CEP41: variants seen among roughly 807,000 people sequenced by gnomAD.
The protein encoded by CEP41 is centrosomal protein 41.
CEP41 carries 32 observed loss-of-function variants against 44.3 expected under a neutral mutation model. The observed-to-expected ratio is 0.72, with a 90% CI of 0.54 to 0.97. The LOEUF is 0.97. CEP41 is among the 50% of genes least tolerant of loss of function. The probability of loss-of-function intolerance (pLI) is 0.00; values close to 1 mark genes in which losing one functional copy is unlikely to be tolerated. For missense variants in CEP41, 432 were observed against 455.2 expected (o/e 0.95, Z 0.46); for synonymous variants, 151 against 168.5 (o/e 0.90, Z 0.80).
chr7:130,436,135 T>C (rs896460253), intron 1 of CEP41, among the ~76,000 whole-genome samples: 3 of 152,180 alleles, frequency 2.0e-5, no homozygotes, highest in East Asian at 1.9e-4. Flanking sequence ...GCCTGGGTGA[T>C]AGAGTGAGAC....
chr7:130,427,916 T>C (rs369870372), intron 2 of CEP41, 39 bp downstream of exon 2: 5 of 1,372,344 alleles, frequency 3.6e-6, no homozygotes, highest in Admixed American at 1.7e-5. Flanking sequence ...AATTAGCTAT[T>C]AGATTTTTTT....
At chr7:130,426,778 G>C (rs1488387318) in intron 2 of CEP41, 3 of 392,348 alleles carry the variant, frequency 7.6e-6, no homozygotes, top group South Asian at 3.6e-5. Context: ...CAGTACACCA[G>C]ACTTGGCACC....
intron 2 of CEP41, among the ~76,000 whole-genome samples, chr7:130,423,103 T>A (rs1211326891): frequency 6.6e-6 from 1 of 152,090 alleles, no homozygotes; most frequent in Non-Finnish European, 1.5e-5. Flanking sequence ...CACGCTGCCA[T>A]GCCTGGCTAA....
chr7:130,435,370 T>C (rs1797931717), intron 1 of CEP41, among the ~76,000 whole-genome samples: 1 of 151,798 alleles, frequency 6.6e-6, no homozygotes, highest in South Asian at 2.1e-4. Context: ...TTTACAGTCA[T>C]CACCAACAAC....
Position 130,397,245 on chromosome 7 carries a change from C to T in CEP41, c.*1646G>A, listed in dbSNP as rs187513408. On this transcript the variant is annotated 3_prime_UTR_variant, in exon 11 of 11. Coordinates refer to ENST00000223208, the MANE Select transcript of CEP41 (RefSeq NM_018718.3). Reference sequence around the variant, plus strand: ...AGGCTCCTCATTAAAGCTATGTGTACGTTGGCTGAATTTTATACAAGATTC... The same window carrying T: ...AGGCTCCTCATTAAAGCTATGTGTATGTTGGCTGAATTTTATACAAGATTC... The T allele has an allele frequency of 6.1e-4, 277 of 454,424 alleles. No homozygotes were observed. The highest frequency in any genetic ancestry group is 1.1e-3 in the Non-Finnish European group (247 of 226,778). The allele number at this position is 454,424 out of a possible 1,614,324, so 28.1% of individuals were successfully genotyped here.
chr7:130,431,880 C>T (rs1297196747), intron 1 of CEP41, among the ~76,000 whole-genome samples: 1 of 152,144 alleles, frequency 6.6e-6, no homozygotes, highest in Non-Finnish European at 1.5e-5. Flanking sequence ...CAGTGGATCT[C>T]GAACAGGTAC....
chr7:130,408,348 C>A (rs986327260), intron 5 of CEP41, among the ~76,000 whole-genome samples: 4 of 151,950 alleles, frequency 2.6e-5, no homozygotes, highest in African/African-American at 9.7e-5. Flanking sequence ...TATTGTTCTC[C>A]GTTGTACAAA....
At chr7:130,416,248 T>C in intron 3 of CEP41, among the ~76,000 whole-genome samples, 1 of 152,220 alleles carries the variant, frequency 6.6e-6, no homozygotes, top group Non-Finnish European at 1.5e-5. Flanking sequence ...AGCAAATCCA[T>C]CTTAGAAAAT....
rs940339910 is a variant in CEP41, at chr7:130,426,699, G to C, written c.97+1256C>G. The C allele has an allele frequency of 9.0e-5, 41 of 454,922 alleles. No homozygotes were observed. In the Admixed American group the frequency reaches 9.2e-4, roughly 10 times the overall value. 28.2% of individuals were successfully genotyped at this position (454,922 alleles called of 1,614,324 possible). ...AGGGGTTAGATGGGTAGAGATGAAAGAGCTGAGGGTTTTTGTGGCAGAAGA... is the reference window on the plus strand; with the variant it reads ...AGGGGTTAGATGGGTAGAGATGAAACAGCTGAGGGTTTTTGTGGCAGAAGA... On this transcript the variant is annotated intron_variant, in intron 2 of 10. Coordinates refer to ENST00000223208, the MANE Select transcript of CEP41 (RefSeq NM_018718.3).
At chr7:130,433,641 C>A (rs1280581956) in intron 1 of CEP41, among the ~76,000 whole-genome samples, 1 of 152,210 alleles carries the variant, frequency 6.6e-6, no homozygotes, top group Non-Finnish European at 1.5e-5. Flanking sequence ...CTACCCACCA[C>A]AGCCCAGCTA....
intron 10 of CEP41, chr7:130,399,482 T>G (rs1306655229): frequency 4.3e-6 from 1 of 234,858 alleles, no homozygotes; most frequent in East Asian, 1.0e-4. Context: ...GGTCTGATGC[T>G]TAACTCCTCA....
At chr7:130,422,935 A>T (rs1797551157) in intron 2 of CEP41, among the ~76,000 whole-genome samples, 2 of 152,174 alleles carry the variant, frequency 1.3e-5, no homozygotes, top group African/African-American at 2.4e-5. Flanking sequence ...AGAATATATA[A>T]AACAACTCTT....
intron 1 of CEP41, among the ~76,000 whole-genome samples, chr7:130,435,423 T>C (rs1695537266): frequency 6.6e-6 from 1 of 151,664 alleles, no homozygotes; most frequent in Admixed American, 6.6e-5. Flanking sequence ...AAATAGAAAA[T>C]AGGCAAAAGA....
In CEP41 at chr7:130,430,736, ATTT is replaced by A. The variant is rs782527935; in HGVS notation, c.34-2721_34-2719del. Among the ~76,000 whole-genome samples the A allele has an allele frequency of 8.6e-4, 130 of 151,808 alleles. 1 individual carries two copies. The highest frequency in any genetic ancestry group is 1.7e-3 in the Non-Finnish European group (113 of 67,964). ...CATTGCAGTTATCTTGGGCTAAGGG[ATTT>A]TTTTTCTGCACTCTGTATTTTTTTT... On this transcript the variant is annotated intron_variant, in intron 1 of 10. Transcript: ENST00000223208.
Position 130,394,382 on chromosome 7 carries a change from G to A in CEP41, c.*4509C>T. ...TAAATGGGTCAAAACATATAATGAAGAATCTAGGAGCAAAGTAAGCTCTCC... is the reference window on the plus strand; with the variant it reads ...TAAATGGGTCAAAACATATAATGAAAAATCTAGGAGCAAAGTAAGCTCTCC... On this transcript the variant is annotated 3_prime_UTR_variant, in exon 11 of 11. Coordinates refer to ENST00000223208, the MANE Select transcript of CEP41 (RefSeq NM_018718.3). 2.2e-6 allele frequency: 1 copy of A among 454,036 alleles called. No homozygotes were observed. Among genetic ancestry groups the A allele is most frequent in the Non-Finnish European group, 4.4e-6 (1 of 226,780 alleles). 28.1% of individuals were successfully genotyped at this position (454,036 alleles called of 1,614,324 possible). A position where few individuals can be genotyped will look rare whatever the true frequency, so the allele number is the denominator to read the frequency against.
Position 130,395,171 on chromosome 7 carries a change from A to G in CEP41, c.*3720T>C, listed in dbSNP as rs922755413. On this transcript the variant is annotated 3_prime_UTR_variant, in exon 11 of 11. Transcript: ENST00000223208. ...AAGATGTCATAATAATAATTTCAAT[A>G]ATTATTGTAAATCTAGGAAAGTATT... The G allele has an allele frequency of 2.2e-6, 1 of 453,172 alleles. No homozygotes were observed. The highest frequency in any genetic ancestry group is 1.6e-5 in the South Asian group (1 of 64,300). 28.1% of individuals were successfully genotyped at this position (453,172 alleles called of 1,614,324 possible). A position where few individuals can be genotyped will look rare whatever the true frequency, so the allele number is the denominator to read the frequency against.
intron 5 of CEP41, among the ~76,000 whole-genome samples, chr7:130,407,108 T>C (rs954133349): frequency 2.6e-5 from 4 of 152,052 alleles, no homozygotes; most frequent in Non-Finnish European, 5.9e-5. Context: ...AAGACCTCAA[T>C]GAAGAGAGTG....
At chr7:130,427,302 C>T (rs1406401248) in intron 2 of CEP41, among the ~76,000 whole-genome samples, 3 of 152,074 alleles carry the variant, frequency 2.0e-5, no homozygotes, top group African/African-American at 7.2e-5. Context: ...CAACCAAAAC[C>T]TCACAAGACT....
chr7:130,440,339 G>A (rs1428655783), intron 1 of CEP41, among the ~76,000 whole-genome samples: 1 of 152,152 alleles, frequency 6.6e-6, no homozygotes, highest in Non-Finnish European at 1.5e-5. Context: ...ATTTATTAAA[G>A]GGCAGAGGCC....
Sources: allele counts gnomAD v4.1 joint callset (sites outside exome capture counted in the v4.1 genomes callset), GRCh38; gene constraint gnomAD v4.1.1; transcripts MANE v1.5; gene names NCBI Gene and HGNC (gene_info 2026-07-23, HGNC 2026-07-21).